CAPN5: variants seen among roughly 807,000 people sequenced by gnomAD.
CAPN5 encodes the protein calpain 5.
Under a neutral mutation model 73.0 loss-of-function variants are expected in CAPN5, and 54 were observed. The ratio of observed to expected loss-of-function variants is 0.74; its 90% CI spans 0.59 to 0.93. CAPN5 has a LOEUF of 0.93. CAPN5 is among the 40% of genes least tolerant of loss of function. The pLI is 0.00. For synonymous variants in CAPN5, 335 were observed against 356.9 expected, an observed-to-expected ratio of 0.94 and a Z score of 0.69; for missense variants, 785 against 882.9, an observed-to-expected ratio of 0.89 and a Z score of 1.41.
intron 12 of CAPN5, 30 bp from the exon 13 acceptor site, chr11:77,123,658 C>T: frequency 1.3e-6 from 2 of 1,583,148 alleles, no homozygotes; most frequent in East Asian, 4.5e-5. Flanking sequence ...AGGTAGCCCG[C>T]CCCTCCCATG....
intron 1 of CAPN5, among the ~76,000 whole-genome samples, chr11:77,072,391 C>T (rs562257433): frequency 3.3e-5 from 5 of 152,344 alleles, no homozygotes; most frequent in East Asian, 1.9e-4. Context: ...CTCTGCCTCT[C>T]GCCTTCACCA....
intron 11 of CAPN5, 74 bp from the exon 12 acceptor site, chr11:77,122,502 C>A: frequency 1.5e-6 from 2 of 1,290,564 alleles, no homozygotes; most frequent in Non-Finnish European, 2.2e-6. Flanking sequence ...GTGGGCATCT[C>A]ACCTGTAGAT....
At chr11:77,072,680 A>C (rs569377243) in intron 1 of CAPN5, among the ~76,000 whole-genome samples, 2 of 152,218 alleles carry the variant, frequency 1.3e-5, no homozygotes, top group Non-Finnish European at 2.9e-5. Flanking sequence ...GAGGTTGTGC[A>C]GGAGCTTGTG....
At chr11:77,097,476 T>TG (rs1950223227) in intron 3 of CAPN5, among the ~76,000 whole-genome samples, 5 of 142,840 alleles carry the variant, frequency 3.5e-5, no homozygotes, top group Admixed American at 6.9e-5. Context: ...TTTTTTTTTT[T>TG]TTTTTTTTTT....
chr11:77,112,866 G>T, intron 4 of CAPN5, 69 bp downstream of exon 4: 1 of 1,436,312 alleles, frequency 7.0e-7, no homozygotes, highest in Non-Finnish European at 9.7e-7. Context: ...GCTCCTCGTG[G>T]TATTCCGTTA....
chr11:77,101,134 C>T (rs544668951), intron 3 of CAPN5, among the ~76,000 whole-genome samples: 1 of 152,210 alleles, frequency 6.6e-6, no homozygotes, highest in Non-Finnish European at 1.5e-5. Flanking sequence ...TTCATCCGTT[C>T]ATTCATTCAT....
At chr11:77,108,471 G>A (rs117357151) in intron 3 of CAPN5, among the ~76,000 whole-genome samples, 94 of 152,290 alleles carry the variant, frequency 6.2e-4, no homozygotes, top group East Asian at 1.2e-3. Context: ...GATGGGACCC[G>A]AAGGAGGGAG....
At chr11:77,088,093 A>G in intron 2 of CAPN5, 1 of 1,512,694 alleles carries the variant, frequency 6.6e-7, no homozygotes, top group Non-Finnish European at 8.8e-7. Context: ...TGTGGGGGCA[A>G]CATCCCCTCA....
chr11:77,085,645 C>T (rs182376554), intron 2 of CAPN5, among the ~76,000 whole-genome samples: 2 of 152,226 alleles, frequency 1.3e-5, no homozygotes, highest in African/African-American at 2.4e-5. Context: ...GAACAGGTGG[C>T]GTCTCTCCGA....
intron 3 of CAPN5, chr11:77,103,246 G>A (rs369572640): frequency 7.4e-6 from 12 of 1,613,428 alleles, no homozygotes; most frequent in South Asian, 1.1e-5. Flanking sequence ...GCCAAGATCC[G>A]CAAGGTCATG....
intron 1 of CAPN5, among the ~76,000 whole-genome samples, chr11:77,074,027 G>A (rs950419781): frequency 5.0e-4 from 76 of 152,328 alleles, no homozygotes; most frequent in Non-Finnish European, 1.6e-4. Context: ...GTACACCCAC[G>A]AAAGGACAAA....
chr11:77,108,482 C>A (rs782785670), intron 3 of CAPN5, among the ~76,000 whole-genome samples: 52 of 151,962 alleles, frequency 3.4e-4, no homozygotes, highest in Non-Finnish European at 6.5e-4. Context: ...AAGGAGGGAG[C>A]GTTGGAGGGA....
chr11:77,114,156 G>A, intron 4 of CAPN5, 86 bp from the exon 5 acceptor site: 1 of 1,282,814 alleles, frequency 7.8e-7, no homozygotes, highest in South Asian at 1.2e-5. Flanking sequence ...TGACCCCTCT[G>A]AGTTTCAAAA....
Position 77,112,572 on chromosome 11 carries a change from C to A in CAPN5, c.298-17C>A. 1.9e-6 allele frequency: 3 copies of A among 1,607,796 alleles called. No individual in the cohort carries two copies. Among genetic ancestry groups the A allele is most frequent in the South Asian group, 1.1e-5 (1 of 90,934 alleles). On this transcript the variant is annotated splice_polypyrimidine_tract_variant and intron_variant, in intron 3 of 12. Transcript: ENST00000648180. ...CTCACTGTGTTCCCCCATCCTATCC[C>A]CCCTCCCCCTACCCAGGTCATCCCA...
Position 77,098,261 on chromosome 11 carries a change from T to G in CAPN5, c.297+4448T>G, listed in dbSNP as rs868954951. 7.3e-3 allele frequency among the ~76,000 whole-genome samples: 293 copies of G among 40,360 alleles called. 3 individuals are homozygous for G. Among genetic ancestry groups the G allele is most frequent in the Middle Eastern group, 0.037 (2 of 54 alleles). 26.5% of individuals were successfully genotyped at this position (40,360 alleles called of 152,430 possible). On this transcript the variant is annotated intron_variant, in intron 3 of 12. Transcript: ENST00000648180. ...CCCCACCTCCCTCCCGGACGGGGCG[T>G]CTGGCCGGGCGGGGGGCTGACCCCC...
intron 3 of CAPN5, among the ~76,000 whole-genome samples, chr11:77,096,891 T>G (rs1950214249): frequency 6.6e-6 from 1 of 152,020 alleles, no homozygotes; most frequent in African/African-American, 2.4e-5. Flanking sequence ...TGAGCAACCC[T>G]GGGTGGGGCC....
chr11:77,125,007 T>G lies in CAPN5; in HGVS notation c.*1137T>G, dbSNP rs1950559108. On this transcript the variant is annotated 3_prime_UTR_variant, in exon 13 of 13. Coordinates refer to ENST00000648180, the MANE Select transcript of CAPN5 (RefSeq NM_004055.5). ...TTCTTTTTGTTTTGAAAATCTCAAT[T>G]TTAATCAGGGGTTTTAAAAGAAAAT... 6.6e-6 allele frequency: 1 copy of G among 152,404 alleles called. No individual in the cohort carries two copies. The highest frequency in any genetic ancestry group is 1.5e-5 in the Non-Finnish European group (1 of 68,030). The allele number at this position is 152,404 out of a possible 1,614,324, so 9.4% of individuals were successfully genotyped here. A position where few individuals can be genotyped will look rare whatever the true frequency, so the allele number is the denominator to read the frequency against.
At chr11:77,078,850 G>T (rs1218408200) in intron 1 of CAPN5, among the ~76,000 whole-genome samples, 1 of 152,030 alleles carries the variant, frequency 6.6e-6, no homozygotes, top group Non-Finnish European at 1.5e-5. Flanking sequence ...TATTGTAAAT[G>T]GGATTGTTTT....
At chr11:77,098,083 G>T in intron 3 of CAPN5, among the ~76,000 whole-genome samples, 1 of 87,892 alleles carries the variant, frequency 1.1e-5, no homozygotes, top group Non-Finnish European at 2.2e-5. Context: ...GGACGGGGCG[G>T]CTGGCCGGGC....
Sources: gnomAD v4.1 joint callset for allele counts (sites outside exome capture counted in the v4.1 genomes callset) on GRCh38, gnomAD v4.1.1 for gene constraint, MANE v1.5 for transcripts, NCBI Gene and HGNC (gene_info 2026-07-23, HGNC 2026-07-21) for gene names.